ANKRD50: variants seen among roughly 807,000 people sequenced by gnomAD.
The protein encoded by ANKRD50 is ankyrin repeat domain 50.
Under a neutral mutation model 112.0 loss-of-function variants are expected in ANKRD50, and 40 were observed. That is an observed-to-expected ratio of 0.36 (90% CI 0.28 to 0.46). The LOEUF (loss-of-function observed/expected upper bound fraction) is 0.46. Ranked by LOEUF, ANKRD50 falls within the 20% of genes least tolerant of loss-of-function variation. The pLI is 1.00. For missense variants in ANKRD50, 1,487 were observed against 1,701.7 expected, an observed-to-expected ratio of 0.87 and a Z score of 2.22; for synonymous variants, 613 against 619.1, an observed-to-expected ratio of 0.99 and a Z score of 0.15.
At position 124,673,864 on chromosome 4, in the gene ANKRD50, C is replaced by T. The variant is rs1340013004; in HGVS notation, c.743-1330G>A. On this transcript the variant is annotated intron_variant, in intron 3 of 4. Coordinates refer to ENST00000504087, the MANE Select transcript of ANKRD50 (RefSeq NM_020337.3). ...CCTTTGTATATAGATTTATATAGCCCTAAATCTATATAAAAATAGAATCTA... is the reference window on the plus strand; with the variant it reads ...CCTTTGTATATAGATTTATATAGCCTTAAATCTATATAAAAATAGAATCTA... 1.3e-5 allele frequency among the ~76,000 whole-genome samples: 2 copies of T among 151,902 alleles called. 1 individual carries two copies. Among genetic ancestry groups the T allele is most frequent in the African/African-American group, 4.8e-5 (2 of 41,364 alleles).
intron 1 of ANKRD50, among the ~76,000 whole-genome samples, chr4:124,711,757 G>GT (rs777867631): frequency 7.3e-6 from 1 of 136,818 alleles, no homozygotes; most frequent in Admixed American, 7.3e-5. Flanking sequence ...ATGGGAAACG[G>GT]TTTAAAAAAA....
At chr4:124,688,214 A>G (rs1193876086) in intron 2 of ANKRD50, among the ~76,000 whole-genome samples, 1 of 152,246 alleles carries the variant, frequency 6.6e-6, no homozygotes, top group East Asian at 1.9e-4. Context: ...TGATCCACAC[A>G]ACAGCATGGG....
chr4:124,695,180 T>C (rs980707254), intron 2 of ANKRD50, among the ~76,000 whole-genome samples: 2 of 152,074 alleles, frequency 1.3e-5, no homozygotes, highest in Non-Finnish European at 2.9e-5. Context: ...AAAAAATGAA[T>C]ACATTACAAA....
chr4:124,681,636 T>C (rs1205226934), intron 2 of ANKRD50, among the ~76,000 whole-genome samples: 3 of 152,206 alleles, frequency 2.0e-5, no homozygotes, highest in Admixed American at 6.5e-5. Context: ...GTAGACAGAT[T>C]TGAAAGAAAT....
rs1308269574 is a variant in ANKRD50, at chr4:124,672,354, C to T, written c.923G>A (p.Arg308Gln). 11 of 1,613,096 alleles carry T rather than the reference C, an allele frequency of 6.8e-6. No homozygotes were observed. The highest frequency in any genetic ancestry group is 1.1e-5 in the South Asian group (1 of 90,934). ...KSSGCFLYLERVLDGVVENFI... is the reference protein window; with the variant it reads ...KSSGCFLYLEQVLDGVVENFI... ...ATTTTCTACAACTCCATCTAAAACT[C>T]GTTCTAGGTAAAGAAAGCATCCACT... Residue 308 changes from arginine (R) to glutamine (Q), a missense_variant, in exon 4 of 5, where the codon CGA becomes CAA. Physicochemically the swap from Arg to Gln is conservative, Grantham distance 43. This residue lies in a region of ANKRD50 where 1,046 missense variants were observed against 1,269.5 expected (regional missense o/e 0.82). Transcript: ENST00000504087.
intron 2 of ANKRD50, among the ~76,000 whole-genome samples, chr4:124,705,132 G>A (rs374145117): frequency 3.3e-5 from 5 of 151,814 alleles, no homozygotes; most frequent in Admixed American, 6.6e-5. Context: ...AAACTGCAAC[G>A]CAAGCTACAA....
At chr4:124,704,456 C>T (rs916631677) in intron 2 of ANKRD50, among the ~76,000 whole-genome samples, 4 of 152,204 alleles carry the variant, frequency 2.6e-5, no homozygotes, top group Non-Finnish European at 4.4e-5. Flanking sequence ...TTAAAACTAT[C>T]TGGACTAATG....
intron 2 of ANKRD50, among the ~76,000 whole-genome samples, chr4:124,694,734 C>G (rs985726716): frequency 2.6e-5 from 4 of 152,058 alleles, no homozygotes; most frequent in African/African-American, 9.7e-5. Flanking sequence ...TTTACAAAAT[C>G]GTTAGTATCA....
rs775586706 is a variant in ANKRD50 at position 124,670,208 on chromosome 4, G to C, written c.3069C>G (p.Gly1023=). 3.7e-6 allele frequency: 6 copies of C among 1,612,954 alleles called. No homozygotes were observed. Among genetic ancestry groups the C allele is most frequent in the Non-Finnish European group, 5.1e-6 (6 of 1,179,690 alleles). Residue 1023 remains glycine (G), a synonymous_variant, in exon 4 of 5, where the codon GGC becomes GGG. Coordinates refer to ENST00000504087, the MANE Select transcript of ANKRD50 (RefSeq NM_020337.3). ...TCAGAAGCTGAACCACTTTTACATGGCCCTGCCAGGCTGCAGACTGCAAAG... is the reference window on the plus strand; with the variant it reads ...TCAGAAGCTGAACCACTTTTACATGCCCCTGCCAGGCTGCAGACTGCAAAG... ...RSALQSAAWQ[G]HVKVVQLLIE...
At chr4:124,675,905 C>T (rs1208446465) in intron 3 of ANKRD50, among the ~76,000 whole-genome samples, 2 of 151,702 alleles carry the variant, frequency 1.3e-5, no homozygotes, top group Admixed American at 6.6e-5. Context: ...AATGAAAATG[C>T]TACTGGTCAG....
chr4:124,680,246 A>G (rs1724850828), intron 2 of ANKRD50, among the ~76,000 whole-genome samples: 1 of 152,168 alleles, frequency 6.6e-6, no homozygotes, highest in African/African-American at 2.4e-5. Context: ...ACTCATCAGT[A>G]TACCCCTAGA....
rs755966192 is a variant in ANKRD50 at position 124,678,859 on chromosome 4, G to C, written c.559C>G (p.Leu187Val). The C allele has an allele frequency of 1.2e-6, 2 of 1,613,778 alleles. No individual in the cohort carries two copies. Among genetic ancestry groups the C allele is most frequent in the Non-Finnish European group, 1.7e-6 (2 of 1,179,744 alleles). ...TCAACAGAATCAACAAGCAGGTATA[G>C]GCTTTGCTGGGGAGGCTTCATTCCC... The part of the protein sequence containing the change: ...LLGMKPPQQS[L>V]YLLVDSVDEG... Residue 187 changes from leucine (L) to valine (V), a missense_variant, in exon 3 of 5, where the codon CTA becomes GTA. Transcript: ENST00000504087.
intron 3 of ANKRD50, among the ~76,000 whole-genome samples, chr4:124,678,425 T>C (rs1327646355): frequency 2.6e-5 from 4 of 152,068 alleles, no homozygotes; most frequent in Admixed American, 6.6e-5. Flanking sequence ...CCAAGATGTA[T>C]AGCAGCAAAT....
Position 124,700,668 on chromosome 4 carries a change from T to C in ANKRD50, c.512+9332A>G, listed in dbSNP as rs554345192. On this transcript the variant is annotated intron_variant, in intron 2 of 4. Coordinates refer to ENST00000504087, the MANE Select transcript of ANKRD50 (RefSeq NM_020337.3). ...TCTGTATCGTTAGCTATTTTCACAA[T>C]AGTGGTATATCATAAACACCCCAAA... is the stretch of plus-strand genomic sequence containing the variant. Among the ~76,000 whole-genome samples the C allele has an allele frequency of 2.6e-5, 4 of 152,328 alleles. No homozygotes were observed. The South Asian group carries it at 8.3e-4, about 32-fold the overall frequency.
At chr4:124,688,890 T>C (rs1266394642) in intron 2 of ANKRD50, among the ~76,000 whole-genome samples, 3 of 152,178 alleles carry the variant, frequency 2.0e-5, no homozygotes, top group Non-Finnish European at 4.4e-5. Flanking sequence ...CCTTTGGCCT[T>C]AGAACTTTCA....
chr4:124,704,395 G>A (rs1560602084), intron 2 of ANKRD50, among the ~76,000 whole-genome samples: 2 of 152,196 alleles, frequency 1.3e-5, no homozygotes, highest in South Asian at 2.1e-4. Flanking sequence ...TCTTTGTTGA[G>A]TGCCAAAAAT....
intron 2 of ANKRD50, among the ~76,000 whole-genome samples, chr4:124,697,621 C>A (rs2110523550): frequency 6.6e-6 from 1 of 152,202 alleles, no homozygotes; most frequent in Non-Finnish European, 1.5e-5. Context: ...CATCAGAAGC[C>A]AAGCAGATAC....
At chr4:124,691,664 T>G (rs1441706728) in intron 2 of ANKRD50, among the ~76,000 whole-genome samples, 1 of 152,152 alleles carries the variant, frequency 6.6e-6, no homozygotes, top group Non-Finnish European at 1.5e-5. Flanking sequence ...ACAGTACACT[T>G]AAAACATTCT....
At chr4:124,707,676 C>A (rs1306318832) in intron 2 of ANKRD50, among the ~76,000 whole-genome samples, 1 of 152,026 alleles carries the variant, frequency 6.6e-6, no homozygotes, top group East Asian at 1.9e-4. Flanking sequence ...AGTAGAAAGA[C>A]TAAAGCCTTC....
Sources: gnomAD v4.1 joint callset for allele counts (sites outside exome capture counted in the v4.1 genomes callset) on GRCh38, gnomAD v4.1.1 for gene constraint, gnomAD v4.1.1 regional missense constraint, MANE v1.5 for transcripts, NCBI Gene and HGNC (gene_info 2026-07-23, HGNC 2026-07-21) for gene names.